Variants in NTNG1 observed in about 807,000 individuals in gnomAD.
NTNG1 encodes netrin G1.
In NTNG1, 16 loss-of-function variants were observed where a neutral mutation model predicts 54.0. That is an observed-to-expected ratio of 0.30 (90% confidence interval 0.20 to 0.45). The LOEUF is 0.45. NTNG1 is among the 20% of genes least tolerant of loss of function. The pLI, the probability that NTNG1 is intolerant of heterozygous loss-of-function variation, is 1.00. For missense variants in NTNG1, 530 were observed against 678.7 expected (o/e 0.78, Z 2.43); for synonymous variants, 255 against 263.1 (o/e 0.97, Z 0.30).
intron 7 of NTNG1, among the ~76,000 whole-genome samples, chr1:107,439,540 G>T (rs1217881632): frequency 6.6e-6 from 1 of 152,022 alleles, no homozygotes; most frequent in African/African-American, 2.4e-5. Flanking sequence ...GAATGGAATG[G>T]GTTGAAATTA....
chr1:107,336,459 A>G (rs1223708894), intron 3 of NTNG1, among the ~76,000 whole-genome samples: 1 of 151,998 alleles, frequency 6.6e-6, no homozygotes, highest in Non-Finnish European at 1.5e-5. Flanking sequence ...CTTACACCAT[A>G]TACAAAAACT....
At chr1:107,170,542 AT>A (rs1368717734) in intron 2 of NTNG1, among the ~76,000 whole-genome samples, 2 of 152,168 alleles carry the variant, frequency 1.3e-5, no homozygotes, top group African/African-American at 4.8e-5. Context: ...GAAAATAATT[AT>A]TTAAATGGCA....
chr1:107,448,499 A>T (rs1204316709), intron 7 of NTNG1, among the ~76,000 whole-genome samples: 1 of 152,114 alleles, frequency 6.6e-6, no homozygotes, highest in Admixed American at 6.6e-5. Context: ...GGAAATGCAG[A>T]ATCATAGACC....
Position 107,315,828 on chromosome 1 carries a change from A to G in NTNG1, c.247-8454A>G, listed in dbSNP as rs112239545. 5.5e-3 allele frequency among the ~76,000 whole-genome samples: 830 copies of G among 152,292 alleles called. 9 individuals are homozygous for G. The highest frequency in any genetic ancestry group is 5.3e-3 in the Non-Finnish European group (363 of 68,024). ...TAGGGACTCAGCTGTTTAATTTACC[A>G]CACTATACCCAGTATACAGCACAGT... is the stretch of plus-strand genomic sequence containing the variant. On this transcript the variant is annotated intron_variant, in intron 2 of 7. Coordinates refer to ENST00000370068, the MANE Select transcript of NTNG1 (RefSeq NM_001113226.3).
At chr1:107,462,375 T>C (rs894193549) in intron 7 of NTNG1, among the ~76,000 whole-genome samples, 1 of 152,180 alleles carries the variant, frequency 6.6e-6, no homozygotes, top group Non-Finnish European at 1.5e-5. Flanking sequence ...TTAGAGAGAC[T>C]ATTTACCCTC....
At position 107,250,425 on chromosome 1, in the gene NTNG1, C is replaced by G. The variant is rs1448515861; in HGVS notation, c.247-73857C>G. ...GCCCAGGGCAGCCTTCAGGAATGCT[C>G]TCAAGAAAGACAGCTGTGAAAACAT... On this transcript the variant is annotated intron_variant, in intron 2 of 7. Transcript: ENST00000370068. 3.3e-5 allele frequency among the ~76,000 whole-genome samples: 5 copies of G among 152,054 alleles called. No individual in the cohort carries two copies. In the East Asian group the frequency reaches 9.6e-4, roughly 29 times the overall value.
chr1:107,227,703 C>T (rs888455642), intron 2 of NTNG1, among the ~76,000 whole-genome samples: 5 of 150,332 alleles, frequency 3.3e-5, no homozygotes, highest in Non-Finnish European at 5.9e-5. Flanking sequence ...CACACACATA[C>T]ACACACACAC....
intron 3 of NTNG1, among the ~76,000 whole-genome samples, chr1:107,391,262 A>C (rs1384917108): frequency 6.6e-6 from 1 of 152,210 alleles, no homozygotes; most frequent in Non-Finnish European, 1.5e-5. Context: ...CTATCCTGAA[A>C]ATAATGGGAA....
intron 2 of NTNG1, among the ~76,000 whole-genome samples, chr1:107,263,436 T>G (rs1663505191): frequency 6.6e-6 from 1 of 152,194 alleles, no homozygotes; most frequent in South Asian, 2.1e-4. Flanking sequence ...TCTTTCTATT[T>G]AGGCATTAAT....
At chr1:107,234,149 G>A (rs772620349) in intron 2 of NTNG1, among the ~76,000 whole-genome samples, 2 of 152,252 alleles carry the variant, frequency 1.3e-5, no homozygotes, top group Non-Finnish European at 2.9e-5. Flanking sequence ...TTGAGATGGA[G>A]TCTCACTCTG....
At chr1:107,302,445 A>G (rs1327178819) in intron 2 of NTNG1, among the ~76,000 whole-genome samples, 4 of 152,134 alleles carry the variant, frequency 2.6e-5, no homozygotes, top group Admixed American at 2.0e-4. Flanking sequence ...GTCCATTTCA[A>G]GAAAAATATT....
chr1:107,395,447 C>T (rs766252183), intron 4 of NTNG1, 121 bp downstream of exon 4: 1 of 958,644 alleles, frequency 1.0e-6, no homozygotes, highest in Non-Finnish European at 1.7e-6. Context: ...CTTTAAAGTG[C>T]AGCGAAAGTT....
At position 107,324,323 on chromosome 1, in the gene NTNG1, C is replaced by G; in HGVS notation, c.288C>G (p.Thr96=). 6.2e-7 allele frequency: 1 copy of G among 1,613,520 alleles called. No homozygotes were observed. The highest frequency in any genetic ancestry group is 8.5e-7 in the Non-Finnish European group (1 of 1,179,698). The change falls in exon 3 of 8, where the codon ACC becomes ACG. Residue 96 remains threonine, a synonymous_variant. Coordinates refer to ENST00000370068, the MANE Select transcript of NTNG1 (RefSeq NM_001113226.3). ...GCAATAATGAGTGTGATGCGAGTAC[C>G]CCTGAGCTGGCACACCCCCCTGAGC... ...YMCNNECDAS[T]PELAHPPELM...
chr1:107,427,212 G>A (rs916422850), intron 5 of NTNG1, among the ~76,000 whole-genome samples: 1 of 151,908 alleles, frequency 6.6e-6, no homozygotes, highest in South Asian at 2.1e-4. Context: ...ACCTCCTGGA[G>A]AGTTGAATTT....
At chr1:107,414,662 G>GT (rs1674078363) in intron 5 of NTNG1, among the ~76,000 whole-genome samples, 1 of 152,116 alleles carries the variant, frequency 6.6e-6, no homozygotes. Context: ...GTCAGTAACT[G>GT]TTTATAGTAC....
intron 3 of NTNG1, among the ~76,000 whole-genome samples, chr1:107,333,795 G>C (rs1328669118): frequency 1.3e-5 from 2 of 149,972 alleles, no homozygotes; most frequent in Non-Finnish European, 3.0e-5. Flanking sequence ...CGTAGAGAAA[G>C]ACTAACCTCA....
At chr1:107,394,974 C>A (rs899777925) in intron 3 of NTNG1, among the ~76,000 whole-genome samples, 180 bp from the exon 4 acceptor site, 14 of 152,092 alleles carry the variant, frequency 9.2e-5, no homozygotes, top group Non-Finnish European at 1.8e-4. Flanking sequence ...CAACCCTGCC[C>A]CCTGCAAACG....
chr1:107,312,870 A>G (rs955547082), intron 2 of NTNG1, among the ~76,000 whole-genome samples: 1 of 152,220 alleles, frequency 6.6e-6, no homozygotes, highest in Non-Finnish European at 1.5e-5. Context: ...TATAGAAAAG[A>G]TGCATACAAT....
Position 107,277,936 on chromosome 1 carries a change from T to C in NTNG1, c.247-46346T>C, listed in dbSNP as rs970314756. On this transcript the variant is annotated intron_variant, in intron 2 of 7. Coordinates refer to ENST00000370068, the MANE Select transcript of NTNG1 (RefSeq NM_001113226.3). ...ATAAATAAATAAAACCCAATCGTTATTTCATATAACATTTTTCATGCCAGA... is the reference window on the plus strand; with the variant it reads ...ATAAATAAATAAAACCCAATCGTTACTTCATATAACATTTTTCATGCCAGA... Among the ~76,000 whole-genome samples the C allele has an allele frequency of 2.0e-5, 3 of 152,342 alleles. No individual in the cohort carries two copies. In the East Asian group the frequency reaches 5.8e-4, roughly 29 times the overall value.
Sources: gnomAD v4.1 joint callset for allele counts (sites outside exome capture counted in the v4.1 genomes callset) on GRCh38, gnomAD v4.1.1 for gene constraint, MANE v1.5 for transcripts, NCBI Gene and HGNC (gene_info 2026-07-23, HGNC 2026-07-21) for gene names.